Variants in SLC24A2 observed in about 807,000 individuals in gnomAD.
SLC24A2 encodes the protein sodium/potassium/calcium exchanger 2.
In SLC24A2, 36 loss-of-function variants were observed where a neutral mutation model predicts 62.0. The ratio of observed to expected loss-of-function variants is 0.58; its 90% confidence interval spans 0.44 to 0.77. The LOEUF is 0.77. Among genes scored for constraint, SLC24A2 ranks in the 30% least tolerant of loss-of-function variants. The pLI, the probability that SLC24A2 is intolerant of heterozygous loss-of-function variation, is 0.00. For synonymous variants in SLC24A2, 358 were observed against 294.0 expected (o/e 1.22, Z -2.23); for missense variants, 846 against 817.9 (o/e 1.03, Z -0.42).
At chr9:19,557,936 T>C (rs7042799) in intron 7 of SLC24A2, among the ~76,000 whole-genome samples, 110,671 of 151,632 alleles carry the variant, frequency 0.73, 42,224 homozygotes, top group East Asian at 1. Flanking sequence ...CCTCCCACTT[T>C]AGCCTCCCAA....
chr9:19,581,520 A>G (rs777396711), intron 5 of SLC24A2, among the ~76,000 whole-genome samples: 20 of 152,218 alleles, frequency 1.3e-4, no homozygotes, highest in Non-Finnish European at 2.2e-4. Flanking sequence ...TGGAAGGTCC[A>G]ATGGGTTAAT....
the SLC24A2 span, among the ~76,000 whole-genome samples, chr9:20,291,557 C>T: frequency 1.3e-5 from 2 of 152,128 alleles, no homozygotes; most frequent in African/African-American, 4.8e-5. Flanking sequence ...GAGGCTCTGA[C>T]CCTGACTCCC....
the SLC24A2 span, among the ~76,000 whole-genome samples, chr9:20,299,054 A>G: frequency 2.0e-5 from 3 of 152,216 alleles, no homozygotes; most frequent in Middle Eastern, 3.2e-3. Context: ...CCCCAAATAA[A>G]GCAGAGAAGG....
At chr9:20,183,829 A>T in the SLC24A2 span, among the ~76,000 whole-genome samples, 1 of 152,180 alleles carries the variant, frequency 6.6e-6, no homozygotes, top group African/African-American at 2.4e-5. Context: ...TAAGGTTCAG[A>T]AGAGTGTAGA....
the SLC24A2 span, among the ~76,000 whole-genome samples, chr9:19,915,935 A>G: frequency 2.0e-5 from 3 of 151,984 alleles, no homozygotes; most frequent in South Asian, 6.2e-4. Context: ...CCAATTATTT[A>G]TTTATTGTGC....
chr9:19,898,541 G>A, the SLC24A2 span, among the ~76,000 whole-genome samples: 1 of 152,088 alleles, frequency 6.6e-6, no homozygotes, highest in East Asian at 1.9e-4. Flanking sequence ...AGGAGATTGA[G>A]ACCATCCTGG....
At chr9:19,562,132 C>T (rs12349989) in intron 7 of SLC24A2, among the ~76,000 whole-genome samples, 17,882 of 152,098 alleles carry the variant, frequency 0.12, 1,133 homozygotes, top group African/African-American at 0.17. Context: ...GATTTCTTTC[C>T]ATATTGCTGT....
chr9:20,213,854 C>T, the SLC24A2 span, among the ~76,000 whole-genome samples: 4 of 152,176 alleles, frequency 2.6e-5, no homozygotes, highest in Admixed American at 6.5e-5. Flanking sequence ...TATCTATTAT[C>T]CCTGACATAC....
the SLC24A2 span, among the ~76,000 whole-genome samples, chr9:19,802,547 G>A: frequency 6.6e-6 from 1 of 152,054 alleles, no homozygotes; most frequent in Non-Finnish European, 1.5e-5. Context: ...AGGTAGAAAT[G>A]TTAAATGCTT....
the SLC24A2 span, among the ~76,000 whole-genome samples, chr9:20,126,446 C>A: frequency 2.0e-5 from 3 of 151,998 alleles, no homozygotes; most frequent in Admixed American, 2.0e-4. Context: ...AGTTTATCCA[C>A]GGCAATCAAT....
At chr9:20,295,906 T>C in the SLC24A2 span, among the ~76,000 whole-genome samples, 1 of 152,280 alleles carries the variant, frequency 6.6e-6, no homozygotes, top group South Asian at 2.1e-4. Context: ...CCTTCTTATA[T>C]ATCTAAATCT....
intron 2 of SLC24A2, among the ~76,000 whole-genome samples, chr9:19,687,768 A>T (rs1819927293): frequency 6.6e-6 from 1 of 152,060 alleles, no homozygotes; most frequent in Non-Finnish European, 1.5e-5. Flanking sequence ...CTTGATTAGC[A>T]CCCCAAGTCA....
the SLC24A2 span, among the ~76,000 whole-genome samples, chr9:20,102,131 C>A: frequency 6.6e-6 from 1 of 152,166 alleles, no homozygotes; most frequent in East Asian, 1.9e-4. Flanking sequence ...CTAGTTCTCC[C>A]TATTTCTATA....
the SLC24A2 span, among the ~76,000 whole-genome samples, chr9:20,278,127 C>A: frequency 1.3e-5 from 2 of 151,930 alleles, no homozygotes; most frequent in Admixed American, 1.3e-4. Context: ...GGAGATATAC[C>A]TAATGTAAAT....
At chr9:20,030,919 T>C in the SLC24A2 span, among the ~76,000 whole-genome samples, 1 of 152,040 alleles carries the variant, frequency 6.6e-6, no homozygotes, top group Non-Finnish European at 1.5e-5. Context: ...ACCCCCACCC[T>C]ACTCTCACCT....
chr9:19,587,585 G>C (rs1284240748), intron 5 of SLC24A2, among the ~76,000 whole-genome samples: 4 of 152,016 alleles, frequency 2.6e-5, no homozygotes, highest in African/African-American at 9.7e-5. Flanking sequence ...GTTTACTTCA[G>C]ATCTAATCAA....
At chr9:20,006,927 A>G in the SLC24A2 span, among the ~76,000 whole-genome samples, 1 of 152,226 alleles carries the variant, frequency 6.6e-6, no homozygotes, top group Non-Finnish European at 1.5e-5. Flanking sequence ...CTGTGAGGAT[A>G]AAAGAAAATA....
the SLC24A2 span, among the ~76,000 whole-genome samples, chr9:20,021,619 C>T: frequency 6.6e-6 from 1 of 152,008 alleles, no homozygotes; most frequent in Non-Finnish European, 1.5e-5. Context: ...TTTTCAAGCA[C>T]ACAGGTTCAG....
chr9:19,790,136 A>G (rs1320538194), upstream of SLC24A2, among the ~76,000 whole-genome samples: 1 of 151,508 alleles, frequency 6.6e-6, no homozygotes, highest in African/African-American at 2.4e-5. Flanking sequence ...GAATCTTGCT[A>G]TGTTGCCCAA....
Sources: gnomAD v4.1 joint callset for allele counts (sites outside exome capture counted in the v4.1 genomes callset) on GRCh38, gnomAD v4.1.1 for gene constraint, MANE v1.5 for transcripts, NCBI Gene and HGNC (gene_info 2026-07-23, HGNC 2026-07-21) for gene names.